Variants in PCDHGB1 observed in about 807,000 individuals in gnomAD.
PCDHGB1 encodes the protein protocadherin gamma-B1.
In PCDHGB1, 34 loss-of-function variants were observed where a neutral mutation model predicts 56.6. The ratio of observed to expected loss-of-function variants is 0.60; its 90% CI spans 0.46 to 0.80. The LOEUF is 0.80. Among genes scored for constraint, PCDHGB1 ranks in the 30% least tolerant of loss-of-function variants. The pLI is 0.00. For synonymous variants in PCDHGB1, 561 were observed against 505.9 expected, an observed-to-expected ratio of 1.11 and a Z score of -1.46; for missense variants, 1,278 against 1,204.6, an observed-to-expected ratio of 1.06 and a Z score of -0.90.
chr5:141,381,826 C>CTTCTTTTTTTTTTTTTT (rs1777532522), intron 1 of PCDHGB1, among the ~76,000 whole-genome samples: 2 of 74,284 alleles, frequency 2.7e-5, no homozygotes, highest in African/African-American at 1.2e-4. Flanking sequence ...CTTTCTTCTT[C>CTTCTTTTTTTTTTTTTT]TTTTTTTTTT....
At chr5:141,374,794 C>G (rs369215509) in intron 1 of PCDHGB1, 6 of 1,613,916 alleles carry the variant, frequency 3.7e-6, no homozygotes, top group Non-Finnish European at 5.1e-6. Flanking sequence ...ATGTGAATGA[C>G]AACACTCCAA....
rs760509503 is a variant in PCDHGB1 at position 141,432,756 on chromosome 5, A to T, written c.2410-62051A>T. The T allele has an allele frequency of 5.6e-6, 9 of 1,613,958 alleles. No homozygotes were observed. Among genetic ancestry groups the T allele is most frequent in the Non-Finnish European group, 7.6e-6 (9 of 1,179,994 alleles). On this transcript the variant is annotated intron_variant, in intron 1 of 3. Transcript: ENST00000523390. This position sits in a 1 kb window ranked among gnomAD's most constrained non-coding sequence, Gnocchi z 6.0. ...GTCACGCTCACCGTGGCCGTGGCCG[A>T]CAGCATCCCCCAAGTCCTGGCGGAC...
intron 1 of PCDHGB1, chr5:141,372,298 G>T (rs1768627083): frequency 6.2e-7 from 1 of 1,613,330 alleles, no homozygotes; most frequent in Non-Finnish European, 8.5e-7. Flanking sequence ...TTGGGCGACA[G>T]GGAGGCCGCC....
intron 1 of PCDHGB1, chr5:141,387,894 G>C: frequency 1.9e-6 from 3 of 1,540,604 alleles, no homozygotes; most frequent in Non-Finnish European, 8.7e-7. Context: ...GATGGGGAGC[G>C]GCGCCGGGGA....
intron 1 of PCDHGB1, chr5:141,374,002 C>A (rs1770015960): frequency 1.5e-6 from 2 of 1,320,574 alleles, no homozygotes; most frequent in South Asian, 4.1e-5. Flanking sequence ...AGGACCTTCA[C>A]CGCTATTTCT....
At chr5:141,499,779 C>T (rs1450026011) in intron 2 of PCDHGB1, among the ~76,000 whole-genome samples, 3 of 151,452 alleles carry the variant, frequency 2.0e-5, no homozygotes, top group Non-Finnish European at 4.4e-5. Flanking sequence ...CTTCGCCTCC[C>T]GGGTTCAAGC....
intron 1 of PCDHGB1, among the ~76,000 whole-genome samples, chr5:141,401,846 A>G (rs1168982151): frequency 6.6e-6 from 1 of 152,216 alleles, no homozygotes; most frequent in Non-Finnish European, 1.5e-5. Context: ...AATACCACTT[A>G]CTTTTAACCT....
chr5:141,457,498 G>A (rs193168963), intron 1 of PCDHGB1, among the ~76,000 whole-genome samples: 23 of 152,246 alleles, frequency 1.5e-4, no homozygotes, highest in African/African-American at 4.3e-4. Flanking sequence ...TAAAATGTAG[G>A]CAAAAAGCTT....
chr5:141,453,784 G>T (rs767312144), intron 1 of PCDHGB1, among the ~76,000 whole-genome samples: 47 of 152,298 alleles, frequency 3.1e-4, no homozygotes, highest in Non-Finnish European at 5.6e-4. Flanking sequence ...AGTTACCATG[G>T]TATATTAACT....
chr5:141,363,227 A>G (rs920377728), intron 1 of PCDHGB1, among the ~76,000 whole-genome samples: 2 of 152,228 alleles, frequency 1.3e-5, no homozygotes, highest in Non-Finnish European at 2.9e-5. Context: ...CTTACAACCT[A>G]TGTTCACATC....
intron 1 of PCDHGB1, among the ~76,000 whole-genome samples, chr5:141,456,968 A>AAAAC (rs202005606): frequency 1.3e-4 from 20 of 152,282 alleles, no homozygotes; most frequent in Middle Eastern, 3.4e-3. Flanking sequence ...ATCTCAAAAC[A>AAAAC]AAACAAACAA....
intron 1 of PCDHGB1, chr5:141,370,293 C>A: frequency 9.3e-7 from 1 of 1,074,278 alleles, no homozygotes; most frequent in Non-Finnish European, 1.3e-6. Flanking sequence ...AGAACCCAAG[C>A]ACAAAGACAA....
intron 1 of PCDHGB1, among the ~76,000 whole-genome samples, chr5:141,494,512 C>T (rs2154591503): frequency 6.6e-6 from 1 of 152,276 alleles, no homozygotes; most frequent in Middle Eastern, 3.4e-3. Context: ...AATTTTGGCT[C>T]AGGAGTTCTG....
chr5:141,479,490 G>A (rs1334340000), intron 1 of PCDHGB1: 1 of 152,248 alleles, frequency 6.6e-6, no homozygotes, highest in Non-Finnish European at 1.5e-5. Context: ...AGGACCATCA[G>A]GTTGCCTAAA....
intron 1 of PCDHGB1, chr5:141,385,196 G>C (rs760255338): frequency 3.7e-5 from 60 of 1,614,112 alleles, no homozygotes; most frequent in Non-Finnish European, 5.1e-5. Flanking sequence ...TCTCGGAAGA[G>C]TCACCTGATC....
At chr5:141,403,348 G>C (rs1031512427) in intron 1 of PCDHGB1, 2 of 1,614,052 alleles carry the variant, frequency 1.2e-6, no homozygotes, top group Middle Eastern at 1.6e-4. Flanking sequence ...GCGCCCCAAA[G>C]TTCCAGGCCG....
chr5:141,390,158 A>G, intron 1 of PCDHGB1: 1 of 1,614,042 alleles, frequency 6.2e-7, no homozygotes, highest in Non-Finnish European at 8.5e-7. Context: ...CACATACAGG[A>G]AAGACGGAGT....
chr5:141,351,813 A>G lies in PCDHGB1; in HGVS notation c.1553A>G (p.His518Arg), dbSNP rs757501743. The change falls in exon 1 of 4, where the codon CAC becomes CGC. Residue 518 changes from histidine to arginine, a missense_variant. Transcript: ENST00000523390. ...GTGTTCGCGCAGCGCGCCTTCGACC[A>G]CGAGCAGCTGCGCGCCTTCGAGCTC... The part of the protein sequence containing the change: ...GVVFAQRAFD[H>R]EQLRAFELTL... 6.2e-7 allele frequency: 1 copy of G among 1,613,236 alleles called. No homozygotes were observed. The highest frequency in any genetic ancestry group is 8.5e-7 in the Non-Finnish European group (1 of 1,179,854).
chr5:141,452,303 G>C (rs1271182127), intron 1 of PCDHGB1, among the ~76,000 whole-genome samples: 1 of 152,048 alleles, frequency 6.6e-6, no homozygotes, highest in Non-Finnish European at 1.5e-5. Flanking sequence ...GAAAATATTA[G>C]AGACTCATAC....
Sources: allele counts gnomAD v4.1 joint callset (sites outside exome capture counted in the v4.1 genomes callset), GRCh38; gene constraint gnomAD v4.1.1; non-coding constraint Gnocchi (gnomAD v3.1); transcripts MANE v1.5; gene names NCBI Gene and HGNC (gene_info 2026-07-23, HGNC 2026-07-21).